Variants in MYO1D observed in about 807,000 individuals in gnomAD.
The protein encoded by MYO1D is unconventional myosin-Id.
Under a neutral mutation model 122.0 loss-of-function variants are expected in MYO1D, and 83 were observed. That is an observed-to-expected ratio of 0.68 (90% CI 0.57 to 0.82). The LOEUF (loss-of-function observed/expected upper bound fraction) is 0.82, where lower values mean the gene tolerates loss of function less well. Among genes scored for constraint, MYO1D ranks in the 40% least tolerant of loss-of-function variants. The pLI is 0.00. For missense variants in MYO1D, 1,157 were observed against 1,269.5 expected (o/e 0.91, Z 1.35); for synonymous variants, 464 against 446.9 (o/e 1.04, Z -0.48).
chr17:32,698,563 T>C (rs2089204996), intron 16 of MYO1D, among the ~76,000 whole-genome samples: 1 of 152,012 alleles, frequency 6.6e-6, no homozygotes, highest in South Asian at 2.1e-4. Flanking sequence ...TCCTAACAAA[T>C]AAAACATTAG....
rs142704226 is a variant in MYO1D, at chr17:32,710,729, A to T, written c.2121+1259T>A. The stretch of plus-strand genomic sequence containing the variant: ...TTGGAATATTGAAGGCATTTCTGCT[A>T]ATCAACAAGAAAGTACCAGCTCGAG... On this transcript the variant is annotated intron_variant, in intron 16 of 21. Transcript: ENST00000318217. Among the ~76,000 whole-genome samples, 7 of 152,364 alleles carry T rather than the reference A, an allele frequency of 4.6e-5. No individual in the cohort carries two copies. In the East Asian group the frequency reaches 1.3e-3, roughly 29 times the overall value.
chr17:32,573,840 T>C (rs970637349), intron 21 of MYO1D, among the ~76,000 whole-genome samples: 4 of 149,806 alleles, frequency 2.7e-5, no homozygotes, highest in Non-Finnish European at 4.4e-5. Flanking sequence ...CCATATTTTA[T>C]CCCTTGTTTA....
chr17:32,727,273 T>C (rs28713584), intron 14 of MYO1D, among the ~76,000 whole-genome samples: 5,856 of 152,240 alleles, frequency 0.038, 371 homozygotes, highest in African/African-American at 0.13. Flanking sequence ...GAGATCCACA[T>C]TGGACATGTG....
intron 21 of MYO1D, among the ~76,000 whole-genome samples, chr17:32,600,301 G>A (rs2087547664): frequency 2.0e-5 from 3 of 152,160 alleles, no homozygotes; most frequent in Admixed American, 1.3e-4. Flanking sequence ...CAGTCAGTGA[G>A]CACTGGCTTC....
intron 21 of MYO1D, among the ~76,000 whole-genome samples, chr17:32,535,882 G>A (rs1416612353): frequency 6.6e-6 from 1 of 152,214 alleles, no homozygotes; most frequent in Non-Finnish European, 1.5e-5. Flanking sequence ...GTAACTTGAG[G>A]GAGAAGGGCA....
chr17:32,677,798 C>T (rs990718143), intron 16 of MYO1D, among the ~76,000 whole-genome samples: 2 of 152,004 alleles, frequency 1.3e-5, no homozygotes, highest in Non-Finnish European at 2.9e-5. Flanking sequence ...CGAACACAAG[C>T]ATTAGGCTGC....
chr17:32,861,659 C>A (rs2091078651), intron 1 of MYO1D, among the ~76,000 whole-genome samples: 1 of 152,046 alleles, frequency 6.6e-6, no homozygotes, highest in African/African-American at 2.4e-5. Context: ...CTTTGCCTGC[C>A]CCACTCTGCC....
chr17:32,580,212 T>C (rs904573229), intron 21 of MYO1D, among the ~76,000 whole-genome samples: 1 of 151,572 alleles, frequency 6.6e-6, no homozygotes, highest in Admixed American at 6.6e-5. Context: ...TTAAATATGA[T>C]ATTTGCTTTA....
At chr17:32,667,115 C>T (rs1325845690) in intron 16 of MYO1D, among the ~76,000 whole-genome samples, 1 of 152,244 alleles carries the variant, frequency 6.6e-6, no homozygotes, top group African/African-American at 2.4e-5. Context: ...AATGAACTCT[C>T]GTTGAATGAA....
chr17:32,866,403 A>G (rs901981409), intron 1 of MYO1D, among the ~76,000 whole-genome samples: 1 of 152,218 alleles, frequency 6.6e-6, no homozygotes, highest in African/African-American at 2.4e-5. Flanking sequence ...TGCCTCCCCA[A>G]GAATGAACTA....
In MYO1D at chr17:32,630,872, C is replaced by T. The variant is rs149409536; in HGVS notation, c.2709+7850G>A. On this transcript the variant is annotated intron_variant, in intron 20 of 21. Coordinates refer to ENST00000318217, the MANE Select transcript of MYO1D (RefSeq NM_015194.3). ...ACAGGCATGAGCCACCACGCCCTGC[C>T]GGTAGAGTTGTTCTTCTGACGGCTT... 2.9e-3 allele frequency among the ~76,000 whole-genome samples: 447 copies of T among 152,244 alleles called. 2 individuals are homozygous for T. Among genetic ancestry groups the T allele is most frequent in the African/African-American group, 0.01 (416 of 41,534 alleles).
chr17:32,719,598 C>G (rs2089487040), intron 15 of MYO1D, among the ~76,000 whole-genome samples: 1 of 152,056 alleles, frequency 6.6e-6, no homozygotes, highest in South Asian at 2.1e-4. Context: ...GATCTGCCCC[C>G]CTCAGCCTCC....
intron 1 of MYO1D, among the ~76,000 whole-genome samples, chr17:32,859,196 T>C (rs1805767752): frequency 6.6e-6 from 1 of 152,246 alleles, no homozygotes. Flanking sequence ...TAGCTGTATA[T>C]TGAAAACTTC....
chr17:32,684,448 T>C (rs2088976714), intron 16 of MYO1D, among the ~76,000 whole-genome samples: 1 of 152,220 alleles, frequency 6.6e-6, no homozygotes, highest in African/African-American at 2.4e-5. Flanking sequence ...TTTATTCCTG[T>C]ATTTCCAAAG....
At chr17:32,516,542 A>G (rs1005555561) in intron 21 of MYO1D, among the ~76,000 whole-genome samples, 7 of 152,122 alleles carry the variant, frequency 4.6e-5, no homozygotes, top group Admixed American at 1.3e-4. Context: ...GGAATCACCA[A>G]TTGGATTTGA....
At position 32,639,363 on chromosome 17, in the gene MYO1D, T is replaced by TGTGTG. The variant is rs1567923149; in HGVS notation, c.2596-529_2596-528insCACAC. Among the ~76,000 whole-genome samples the TGTGTG allele has an allele frequency of 7.1e-3, 916 of 128,254 alleles. 18 individuals are homozygous for TGTGTG. Among genetic ancestry groups the TGTGTG allele is most frequent in the South Asian group, 0.013 (49 of 3,790 alleles). The allele number at this position is 128,254 out of a possible 152,430, so 84.1% of individuals were successfully genotyped here. On this transcript the variant is annotated intron_variant, in intron 19 of 21. Coordinates refer to ENST00000318217, the MANE Select transcript of MYO1D (RefSeq NM_015194.3). ...CTAGATTATGAGATTGGGAGAAATT[T>TGTGTG]TGTGTGTGTGTGTGTGTGTGTGTGT... is the stretch of plus-strand genomic sequence containing the variant.
intron 20 of MYO1D, among the ~76,000 whole-genome samples, chr17:32,618,695 C>G (rs1286738319): frequency 6.6e-6 from 1 of 150,752 alleles, no homozygotes; most frequent in East Asian, 1.9e-4. Flanking sequence ...AGTACAATGG[C>G]ATGATCTCAG....
At chr17:32,649,903 C>T (rs577722364) in intron 19 of MYO1D, among the ~76,000 whole-genome samples, 3 of 152,174 alleles carry the variant, frequency 2.0e-5, no homozygotes, top group African/African-American at 7.2e-5. Context: ...ATTCATCCAT[C>T]GATGGACATT....
chr17:32,620,752 C>T (rs533888623), intron 20 of MYO1D, among the ~76,000 whole-genome samples: 1 of 152,278 alleles, frequency 6.6e-6, no homozygotes, highest in South Asian at 2.1e-4. Context: ...GATAATGCCC[C>T]AAACAAATCA....
Sources: allele counts gnomAD v4.1 joint callset (sites outside exome capture counted in the v4.1 genomes callset), GRCh38; gene constraint gnomAD v4.1.1; transcripts MANE v1.5; gene names NCBI Gene and HGNC (gene_info 2026-07-23, HGNC 2026-07-21).